The following GUCY1A2 variants were observed in gnomAD, a reference collection of about 807,000 sequenced individuals.
GUCY1A2 encodes guanylate cyclase 1 soluble subunit alpha 2.
A neutral mutation model predicts 63.5 loss-of-function variants in GUCY1A2; 27 were observed. That is an observed-to-expected ratio of 0.43 (90% CI 0.31 to 0.59). The LOEUF (loss-of-function observed/expected upper bound fraction) is 0.59. GUCY1A2 is among the 20% of genes least tolerant of loss of function. The probability of loss-of-function intolerance (pLI) is 0.11; values close to 1 mark genes in which losing one functional copy is unlikely to be tolerated. For missense variants in GUCY1A2, 768 were observed against 913.3 expected (o/e 0.84, Z 2.05); for synonymous variants, 364 against 343.5 (o/e 1.06, Z -0.66).
At chr11:106,849,964 G>C (rs1159647638) in intron 4 of GUCY1A2, among the ~76,000 whole-genome samples, 8 of 151,618 alleles carry the variant, frequency 5.3e-5, no homozygotes, top group Admixed American at 5.3e-4. Flanking sequence ...GAGAATTACA[G>C]AATCATCATC....
intron 2 of GUCY1A2, among the ~76,000 whole-genome samples, chr11:106,982,463 C>A (rs1861349730): frequency 6.6e-6 from 1 of 152,070 alleles, no homozygotes; most frequent in Non-Finnish European, 1.5e-5. Flanking sequence ...CTTGCTCATT[C>A]TAGGTGGAGG....
At chr11:106,955,442 G>A (rs1332167194) in intron 3 of GUCY1A2, among the ~76,000 whole-genome samples, 2 of 152,122 alleles carry the variant, frequency 1.3e-5, no homozygotes, top group African/African-American at 4.8e-5. Flanking sequence ...ACCTGGTACT[G>A]GTTTTTCCTT....
At chr11:106,853,333 T>G (rs1445071678) in intron 4 of GUCY1A2, among the ~76,000 whole-genome samples, 5 of 152,116 alleles carry the variant, frequency 3.3e-5, no homozygotes, top group African/African-American at 1.2e-4. Context: ...TTTATTTTCT[T>G]TTGGCTTTTT....
chr11:106,943,274 C>T (rs1565338921), intron 3 of GUCY1A2, among the ~76,000 whole-genome samples: 1 of 152,204 alleles, frequency 6.6e-6, no homozygotes, highest in African/African-American at 2.4e-5. Context: ...AAACCCCCTA[C>T]TTACAGTAAA....
chr11:106,912,431 A>T (rs73553851), intron 4 of GUCY1A2, among the ~76,000 whole-genome samples: 62 of 152,202 alleles, frequency 4.1e-4, no homozygotes, highest in African/African-American at 1.5e-3. Context: ...CCTCTGTCCT[A>T]TATAAGCATT....
At chr11:106,691,901 C>T (rs1862631632) in intron 7 of GUCY1A2, among the ~76,000 whole-genome samples, 1 of 152,138 alleles carries the variant, frequency 6.6e-6, no homozygotes, top group African/African-American at 2.4e-5. Context: ...CACTGAAGTG[C>T]AATATTCAGT....
At chr11:106,927,665 C>T (rs544010606) in intron 4 of GUCY1A2, among the ~76,000 whole-genome samples, 1 of 151,568 alleles carries the variant, frequency 6.6e-6, no homozygotes, top group Non-Finnish European at 1.5e-5. Flanking sequence ...TCCGGGTTCA[C>T]GCCATTCTCC....
At chr11:106,943,827 G>T (rs1197830247) in intron 3 of GUCY1A2, among the ~76,000 whole-genome samples, 31 of 152,164 alleles carry the variant, frequency 2.0e-4, no homozygotes, top group Admixed American at 2.0e-3. Context: ...TACAACAGGG[G>T]TACACAGGAG....
chr11:106,707,741 T>TAATA (rs1406688011), intron 7 of GUCY1A2, among the ~76,000 whole-genome samples: 1 of 151,998 alleles, frequency 6.6e-6, no homozygotes, highest in African/African-American at 2.4e-5. Context: ...GCTTAATATC[T>TAATA]AATAGGGGAA....
At chr11:106,820,216 A>T (rs559093161) in intron 4 of GUCY1A2, among the ~76,000 whole-genome samples, 18 of 152,190 alleles carry the variant, frequency 1.2e-4, no homozygotes, top group South Asian at 1.0e-3. Flanking sequence ...TTTATTTTTT[A>T]AAAAAATATC....
At chr11:106,930,840 C>G (rs930056360) in intron 4 of GUCY1A2, among the ~76,000 whole-genome samples, 5 of 152,188 alleles carry the variant, frequency 3.3e-5, no homozygotes, top group Admixed American at 2.0e-4. Flanking sequence ...CTTTGGCAAG[C>G]CAAGGCAGGC....
At chr11:107,003,843 T>C (rs572289695) in intron 1 of GUCY1A2, among the ~76,000 whole-genome samples, 4 of 152,248 alleles carry the variant, frequency 2.6e-5, no homozygotes, top group African/African-American at 9.6e-5. Context: ...GGAAACTTAT[T>C]AGGGAGTGTT....
intron 5 of GUCY1A2, among the ~76,000 whole-genome samples, chr11:106,791,085 A>G (rs1463260022): frequency 6.6e-6 from 1 of 152,090 alleles, no homozygotes; most frequent in Non-Finnish European, 1.5e-5. Context: ...ACTGACTTTC[A>G]AGTTTATTTA....
chr11:106,978,766 A>T, intron 2 of GUCY1A2, 26 bp from the exon 3 acceptor site: 2 of 1,576,710 alleles, frequency 1.3e-6, no homozygotes, highest in Non-Finnish European at 8.6e-7. Flanking sequence ...AATTAGCATA[A>T]GGAGAAATTT....
At chr11:106,862,390 T>TATC (rs1555041811) in intron 4 of GUCY1A2, among the ~76,000 whole-genome samples, 2 of 151,852 alleles carry the variant, frequency 1.3e-5, no homozygotes, top group Admixed American at 6.6e-5. Flanking sequence ...TGGTAGCTGA[T>TATC]ATCATCATCA....
At chr11:106,760,919 A>G (rs1864055667) in intron 6 of GUCY1A2, among the ~76,000 whole-genome samples, 1 of 152,168 alleles carries the variant, frequency 6.6e-6, no homozygotes, top group South Asian at 2.1e-4. Context: ...TTAAAAAGGA[A>G]ACAGTAAAAA....
At chr11:106,711,603 A>G (rs780310202) in intron 6 of GUCY1A2, among the ~76,000 whole-genome samples, 7 of 152,016 alleles carry the variant, frequency 4.6e-5, no homozygotes, top group Admixed American at 3.9e-4. Flanking sequence ...AACTCATGGG[A>G]TGTGGAAAGA....
chr11:106,882,394 C>G (rs1477803933), intron 4 of GUCY1A2, among the ~76,000 whole-genome samples: 1 of 151,964 alleles, frequency 6.6e-6, no homozygotes, highest in Non-Finnish European at 1.5e-5. Context: ...CCAATAGCAG[C>G]AGCTTCCAAA....
chr11:106,894,253 A>C (rs531987724), intron 4 of GUCY1A2, among the ~76,000 whole-genome samples: 2 of 152,308 alleles, frequency 1.3e-5, no homozygotes, highest in East Asian at 3.9e-4. Context: ...GAAAGACATA[A>C]CAATCCTTAA....
Sources: gnomAD v4.1 joint callset for allele counts (sites outside exome capture counted in the v4.1 genomes callset) on GRCh38, gnomAD v4.1.1 for gene constraint, MANE v1.5 for transcripts, NCBI Gene and HGNC (gene_info 2026-07-23, HGNC 2026-07-21) for gene names.